Variants in ROCK2 observed in about 807,000 individuals in gnomAD.
ROCK2 encodes Rho associated coiled-coil containing protein kinase 2.
In ROCK2, 61 loss-of-function variants were observed where a neutral mutation model predicts 195.1. The observed-to-expected ratio is 0.31, with a 90% CI of 0.25 to 0.39. The LOEUF (loss-of-function observed/expected upper bound fraction) is 0.39. ROCK2 is among the 10% of genes least tolerant of loss of function. The probability of loss-of-function intolerance (pLI) is 1.00; values close to 1 mark genes in which losing one functional copy is unlikely to be tolerated. For missense variants in ROCK2, 1,109 were observed against 1,637.4 expected, an observed-to-expected ratio of 0.68 and a Z score of 5.57; for synonymous variants, 504 against 545.5, an observed-to-expected ratio of 0.92 and a Z score of 1.06.
At chr2:11,268,536 G>C (rs1199932509) in intron 3 of ROCK2, among the ~76,000 whole-genome samples, 2 of 151,230 alleles carry the variant, frequency 1.3e-5, no homozygotes, top group Non-Finnish European at 3.0e-5. Flanking sequence ...GTGTGTGTGT[G>C]TGTGTGTGTG....
chr2:11,273,943 A>G (rs9967883), intron 3 of ROCK2, among the ~76,000 whole-genome samples: 3,054 of 150,694 alleles, frequency 0.02, 104 homozygotes, highest in African/African-American at 0.07. Context: ...AAAAAAAAAA[A>G]GACTTCGATA....
intron 1 of ROCK2, among the ~76,000 whole-genome samples, chr2:11,293,153 G>A (rs1230348937): frequency 6.6e-6 from 1 of 152,162 alleles, no homozygotes; most frequent in African/African-American, 2.4e-5. Flanking sequence ...AGATAATAAA[G>A]TAAAGGAAGT....
chr2:11,223,627 C>T (rs1664709998), intron 7 of ROCK2, among the ~76,000 whole-genome samples: 1 of 151,950 alleles, frequency 6.6e-6, no homozygotes, highest in Non-Finnish European at 1.5e-5. Context: ...AAATAATTTC[C>T]CCAAGATCAT....
rs117468539 is a variant in ROCK2, at chr2:11,222,670, C to T, written c.1008-496G>A. ...AGTATATCTCTACATGTATATTAAA[C>T]TTATCATTCTGCATATATGAAAAAT... On this transcript the variant is annotated intron_variant, in intron 7 of 32. Coordinates refer to ENST00000315872, the MANE Select transcript of ROCK2 (RefSeq NM_004850.5). Among the ~76,000 whole-genome samples, 202 of 152,194 alleles carry T rather than the reference C, an allele frequency of 1.3e-3. 4 individuals are homozygous for T. The East Asian group carries it at 0.035, about 27-fold the overall frequency.
chr2:11,284,185 G>A (rs1667109371), intron 3 of ROCK2, among the ~76,000 whole-genome samples: 1 of 152,130 alleles, frequency 6.6e-6, no homozygotes, highest in South Asian at 2.1e-4. Flanking sequence ...CCAATTACAT[G>A]ACATTCTGGA....
intron 1 of ROCK2, 72 bp downstream of exon 1, chr2:11,343,924 C>G: frequency 6.7e-7 from 1 of 1,502,020 alleles, no homozygotes. Flanking sequence ...CGGACGGGCA[C>G]GGAGGGCTGG....
chr2:11,269,286 C>T (rs551022197), intron 3 of ROCK2, among the ~76,000 whole-genome samples: 7 of 151,984 alleles, frequency 4.6e-5, no homozygotes, highest in Non-Finnish European at 1.0e-4. Flanking sequence ...CTGAGGCAGG[C>T]GGATCACCTG....
Position 11,183,236 on chromosome 2 carries a change from G to C in ROCK2, c.*201C>G, listed in dbSNP as rs150421894. On this transcript the variant is annotated 3_prime_UTR_variant, in exon 33 of 33. Coordinates refer to ENST00000315872, the MANE Select transcript of ROCK2 (RefSeq NM_004850.5). ...CTTAGTCTATCAACCAATCATTGTT[G>C]GTTCAACCTGTTGCTTCAAAGGAGC... The C allele has an allele frequency of 3.4e-4, 168 of 492,894 alleles. 3 individuals carry two copies. In the East Asian group the frequency reaches 5.9e-3, roughly 17 times the overall value. 30.5% of individuals were successfully genotyped at this position (492,894 alleles called of 1,614,324 possible).
rs909192831 is a variant in ROCK2, at chr2:11,344,183, G to A, written c.-47C>T. The A allele has an allele frequency of 1.1e-5, 15 of 1,384,646 alleles. No individual in the cohort carries two copies. Among genetic ancestry groups the A allele is most frequent in the South Asian group, 4.9e-5 (3 of 60,824 alleles). 85.8% of individuals were successfully genotyped at this position (1,384,646 alleles called of 1,614,324 possible). The stretch of plus-strand genomic sequence containing the variant: ...CTCAGGCTCCTCGCGCTCAGGTCCC[G>A]CAGCCTCGGGGCCTAGCACCGCCCC... On this transcript the variant is annotated 5_prime_UTR_variant, in exon 1 of 33. Coordinates refer to ENST00000315872, the MANE Select transcript of ROCK2 (RefSeq NM_004850.5). The surrounding 1 kb of genome is among the most constrained non-coding windows in gnomAD (Gnocchi z 5.4).
intron 1 of ROCK2, 130 bp downstream of exon 1, chr2:11,343,866 C>G: frequency 3.3e-6 from 4 of 1,200,118 alleles, no homozygotes; most frequent in Non-Finnish European, 4.5e-6. Flanking sequence ...CCGGCCCCGG[C>G]TGCCGGAAGC....
intron 5 of ROCK2, among the ~76,000 whole-genome samples, chr2:11,231,438 C>T (rs1441720229): frequency 2.0e-5 from 3 of 152,082 alleles, no homozygotes; most frequent in Non-Finnish European, 1.5e-5. Flanking sequence ...GAACTCCTGA[C>T]CTCAGATGAT....
chr2:11,309,006 G>C (rs1572390867), intron 1 of ROCK2: 2 of 1,592,790 alleles, frequency 1.3e-6, no homozygotes, highest in East Asian at 4.5e-5. Flanking sequence ...TCATAGCTCT[G>C]TGTAGCGTAT....
intron 23 of ROCK2, 26 bp from the exon 24 acceptor site, chr2:11,198,800 A>G (rs761180178): frequency 1.6e-6 from 2 of 1,289,132 alleles, no homozygotes; most frequent in South Asian, 1.3e-5. Flanking sequence ...GGAAAAAATA[A>G]TCACATCCCA....
At chr2:11,323,808 G>A (rs368914452) in intron 1 of ROCK2, among the ~76,000 whole-genome samples, 6 of 152,084 alleles carry the variant, frequency 3.9e-5, no homozygotes, top group Admixed American at 1.3e-4. Context: ...AGAATGATAC[G>A]TTTGTTACAA....
At chr2:11,264,063 A>T (rs1666332671) in intron 3 of ROCK2, among the ~76,000 whole-genome samples, 1 of 152,110 alleles carries the variant, frequency 6.6e-6, no homozygotes, top group African/African-American at 2.4e-5. Flanking sequence ...GGAGTAATAC[A>T]TGAGAACGCA....
At chr2:11,258,313 T>C (rs1445131666) in intron 3 of ROCK2, among the ~76,000 whole-genome samples, 1 of 151,426 alleles carries the variant, frequency 6.6e-6, no homozygotes, top group Non-Finnish European at 1.5e-5. Flanking sequence ...CATTAGAAGT[T>C]TTGTCTCATA....
At chr2:11,245,737 G>A (rs1021459758) in intron 4 of ROCK2, among the ~76,000 whole-genome samples, 4 of 152,106 alleles carry the variant, frequency 2.6e-5, no homozygotes, top group South Asian at 2.1e-4. Flanking sequence ...TTAAGGCTTC[G>A]TTAAAGGTTT....
chr2:11,213,288 C>A (rs1664308899), intron 17 of ROCK2, among the ~76,000 whole-genome samples: 1 of 152,086 alleles, frequency 6.6e-6, no homozygotes, highest in Non-Finnish European at 1.5e-5. Context: ...TAAGATCATC[C>A]AATTTAAAGC....
chr2:11,322,864 G>C (rs549126365), intron 1 of ROCK2, among the ~76,000 whole-genome samples: 26 of 152,244 alleles, frequency 1.7e-4, no homozygotes, highest in African/African-American at 6.3e-4. Context: ...CAAATGGTCA[G>C]TGAACAAAAT....
Sources: allele counts gnomAD v4.1 joint callset (sites outside exome capture counted in the v4.1 genomes callset), GRCh38; gene constraint gnomAD v4.1.1; non-coding constraint Gnocchi (gnomAD v3.1); transcripts MANE v1.5; gene names NCBI Gene and HGNC (gene_info 2026-07-23, HGNC 2026-07-21).